The following RIMBP2 variants were observed in gnomAD, a reference collection of about 807,000 sequenced individuals.
RIMBP2 encodes RIMS binding protein 2, also known as RIMS-binding protein 2.
A neutral mutation model predicts 118.6 loss-of-function variants in RIMBP2; 48 were observed. That is an observed-to-expected ratio of 0.40 (90% CI 0.32 to 0.51). RIMBP2 has a LOEUF of 0.51. Among genes scored for constraint, RIMBP2 ranks in the 20% least tolerant of loss-of-function variants. The pLI, the probability that RIMBP2 is intolerant of heterozygous loss-of-function variation, is 0.41. For synonymous variants in RIMBP2, 762 were observed against 742.9 expected (o/e 1.03, Z -0.42); for missense variants, 1,551 against 1,768.3 (o/e 0.88, Z 2.20).
At chr12:130,455,858 A>G (rs1205720380) in intron 7 of RIMBP2, among the ~76,000 whole-genome samples, 3 of 151,618 alleles carry the variant, frequency 2.0e-5, no homozygotes, top group African/African-American at 4.8e-5. Flanking sequence ...AGGACGTAGC[A>G]CCTCCACCGA....
At chr12:130,645,747 T>G (rs61936785) in intron 1 of RIMBP2, among the ~76,000 whole-genome samples, 1 of 152,190 alleles carries the variant, frequency 6.6e-6, no homozygotes, top group Non-Finnish European at 1.5e-5. Flanking sequence ...ATCTCTTCCT[T>G]ATCGCTGGAC....
At chr12:130,414,371 A>G in intron 17 of RIMBP2, 65 bp from the exon 18 acceptor site, 1 of 1,480,000 alleles carries the variant, frequency 6.8e-7, no homozygotes, top group Non-Finnish European at 9.1e-7. Context: ...TGCACGGGAA[A>G]TGCAGCTTTG....
At chr12:130,642,340 A>G (rs7959864) in intron 1 of RIMBP2, among the ~76,000 whole-genome samples, 2,294 of 152,192 alleles carry the variant, frequency 0.015, 65 homozygotes, top group African/African-American at 0.051. Context: ...GCTAGAGTGC[A>G]ATGGCGCGAT....
At chr12:130,586,458 G>C (rs73156945) in intron 2 of RIMBP2, among the ~76,000 whole-genome samples, 1 of 152,052 alleles carries the variant, frequency 6.6e-6, no homozygotes, top group African/African-American at 2.4e-5. Context: ...ATCTCAAAAA[G>C]AATAAGAAGA....
chr12:130,509,591 C>T (rs2050698362), intron 3 of RIMBP2, among the ~76,000 whole-genome samples: 1 of 152,186 alleles, frequency 6.6e-6, no homozygotes, highest in Non-Finnish European at 1.5e-5. Context: ...TGGGGTAACC[C>T]CCAACAGTGT....
intron 14 of RIMBP2, among the ~76,000 whole-genome samples, chr12:130,433,031 C>T (rs566158255): frequency 1.3e-3 from 201 of 152,270 alleles, no homozygotes; most frequent in Non-Finnish European, 2.4e-3. Flanking sequence ...TAAATTCCTA[C>T]GCTGCAAGAA....
At chr12:130,611,586 C>T (rs2060558713) in intron 2 of RIMBP2, among the ~76,000 whole-genome samples, 1 of 152,220 alleles carries the variant, frequency 6.6e-6, no homozygotes, top group Non-Finnish European at 1.5e-5. Flanking sequence ...GGATTTACCT[C>T]CGTAGCCTGG....
chr12:130,581,230 G>A lies in RIMBP2; in HGVS notation c.-217+47092C>T, dbSNP rs2058459626. On this transcript the variant is annotated intron_variant, in intron 2 of 22. Coordinates refer to ENST00000690449, the MANE Select transcript of RIMBP2 (RefSeq NM_001393629.1). The surrounding 1 kb of genome is among the most constrained non-coding windows in gnomAD (Gnocchi z 4.4). ...GGGTCATCAACTGAAATGCCCCGTG[G>A]TCCCAGGTCACACAGGGGTGTGCCG... Among the ~76,000 whole-genome samples the A allele has an allele frequency of 1.3e-5, 2 of 152,108 alleles. No individual in the cohort carries two copies. The highest frequency in any genetic ancestry group is 4.1e-4 in the South Asian group (2 of 4,824).
intron 2 of RIMBP2, among the ~76,000 whole-genome samples, chr12:130,563,344 A>G (rs1191244650): frequency 2.0e-5 from 3 of 152,270 alleles, no homozygotes; most frequent in South Asian, 4.1e-4. Flanking sequence ...CCAGTGATTA[A>G]CCTGAGCATG....
chr12:130,711,692 G>T (rs1949925590), intron 1 of RIMBP2, among the ~76,000 whole-genome samples: 1 of 152,152 alleles, frequency 6.6e-6, no homozygotes, highest in African/African-American at 2.4e-5. Flanking sequence ...ACTTTTCAGG[G>T]ACCCACCTCA....
intron 14 of RIMBP2, 114 bp from the exon 15 acceptor site, chr12:130,428,451 C>T: frequency 1.8e-6 from 2 of 1,101,840 alleles, no homozygotes; most frequent in Non-Finnish European, 2.6e-6. Flanking sequence ...GGCTCACAGG[C>T]CTAGAGACGG....
At chr12:130,479,114 C>T in intron 4 of RIMBP2, 98 bp from the exon 5 acceptor site, 1 of 884,416 alleles carries the variant, frequency 1.1e-6, no homozygotes, top group South Asian at 2.0e-5. Context: ...TCAGCCCGGT[C>T]ACTCCAGAGC....
chr12:130,513,722 C>A (rs1259390180), intron 3 of RIMBP2, among the ~76,000 whole-genome samples: 2 of 152,220 alleles, frequency 1.3e-5, no homozygotes, highest in African/African-American at 4.8e-5. Context: ...CCCAACATCA[C>A]AGTTTGCACC....
chr12:130,592,091 G>A (rs867583203), intron 2 of RIMBP2, among the ~76,000 whole-genome samples: 4 of 152,172 alleles, frequency 2.6e-5, no homozygotes, highest in South Asian at 4.1e-4. Flanking sequence ...TCTTCCTCCC[G>A]AGAGGTAAGA....
chr12:130,509,121 G>T (rs998257427), intron 3 of RIMBP2, among the ~76,000 whole-genome samples: 3 of 152,242 alleles, frequency 2.0e-5, no homozygotes, highest in Admixed American at 1.3e-4. Context: ...GGCGAGCCTG[G>T]CCCTTGGCTG....
At chr12:130,690,037 G>A (rs2065242224) in intron 1 of RIMBP2, among the ~76,000 whole-genome samples, 1 of 152,184 alleles carries the variant, frequency 6.6e-6, no homozygotes, top group Non-Finnish European at 1.5e-5. Flanking sequence ...TGTCCCGCTG[G>A]TGCTGCCAGG....
chr12:130,660,680 C>A (rs999401803), intron 1 of RIMBP2: 3 of 152,220 alleles, frequency 2.0e-5, no homozygotes, highest in Admixed American at 6.5e-5. Context: ...CCTGCGCCCC[C>A]ACCCCAGGTT....
intron 2 of RIMBP2, among the ~76,000 whole-genome samples, chr12:130,579,153 T>C (rs1186486540): frequency 6.6e-6 from 1 of 152,124 alleles, no homozygotes; most frequent in East Asian, 1.9e-4. Context: ...GAGCCCCGCT[T>C]TTGAGGAAGG....
intron 1 of RIMBP2, among the ~76,000 whole-genome samples, chr12:130,684,776 T>C (rs1312867763): frequency 6.6e-6 from 1 of 152,232 alleles, no homozygotes; most frequent in Admixed American, 6.5e-5. Flanking sequence ...CCATGATCTT[T>C]TTTTATCCCA....
Sources: allele counts gnomAD v4.1 joint callset (sites outside exome capture counted in the v4.1 genomes callset), GRCh38; gene constraint gnomAD v4.1.1; non-coding constraint Gnocchi (gnomAD v3.1); transcripts MANE v1.5; gene names NCBI Gene and HGNC (gene_info 2026-07-23, HGNC 2026-07-21).